Variants in ST6GALNAC3 observed in about 807,000 individuals in gnomAD.
The protein encoded by ST6GALNAC3 is alpha-N-acetylgalactosaminide alpha-2,6-sialyltransferase 3.
A neutral mutation model predicts 32.7 loss-of-function variants in ST6GALNAC3; 25 were observed. That is an observed-to-expected ratio of 0.76 (90% CI 0.56 to 1.07). The LOEUF (loss-of-function observed/expected upper bound fraction) is 1.07, where lower values mean the gene tolerates loss of function less well. Ranked by LOEUF, ST6GALNAC3 falls within the 50% of genes least tolerant of loss-of-function variation. The pLI, the probability that ST6GALNAC3 is intolerant of heterozygous loss-of-function variation, is 0.00. For synonymous variants in ST6GALNAC3, 129 were observed against 133.1 expected, an observed-to-expected ratio of 0.97 and a Z score of 0.21; for missense variants, 355 against 382.4, an observed-to-expected ratio of 0.93 and a Z score of 0.60.
chr1:76,175,048 T>C (rs1353498350), intron 1 of ST6GALNAC3, among the ~76,000 whole-genome samples: 10 of 152,242 alleles, frequency 6.6e-5, no homozygotes. Context: ...TTACTTAATC[T>C]GTTCTTCCTG....
chr1:76,546,465 G>C (rs547274588), intron 3 of ST6GALNAC3, among the ~76,000 whole-genome samples: 11 of 152,266 alleles, frequency 7.2e-5, no homozygotes, highest in African/African-American at 2.6e-4. Flanking sequence ...GGAAGAAGCT[G>C]CTCCTTTTTA....
intron 1 of ST6GALNAC3, among the ~76,000 whole-genome samples, chr1:76,264,699 C>T (rs1430999453): frequency 6.6e-6 from 1 of 152,104 alleles, no homozygotes; most frequent in Non-Finnish European, 1.5e-5. Context: ...TTAGTTATCA[C>T]ATTAGAATAA....
intron 2 of ST6GALNAC3, among the ~76,000 whole-genome samples, chr1:76,320,067 A>G (rs1193400642): frequency 1.3e-5 from 2 of 152,234 alleles, no homozygotes; most frequent in Non-Finnish European, 2.9e-5. Flanking sequence ...TGAGTGCCAG[A>G]TGAGAAGGAC....
chr1:76,097,080 G>A (rs947153865), intron 1 of ST6GALNAC3, among the ~76,000 whole-genome samples: 4 of 152,038 alleles, frequency 2.6e-5, no homozygotes, highest in Non-Finnish European at 4.4e-5. Context: ...CACCACGCCC[G>A]GCTAATTTTT....
At chr1:76,200,205 A>G (rs1362696212) in intron 1 of ST6GALNAC3, among the ~76,000 whole-genome samples, 4 of 152,146 alleles carry the variant, frequency 2.6e-5, no homozygotes, top group Non-Finnish European at 4.4e-5. Context: ...TGCATCTGAG[A>G]CTTTGTAATT....
chr1:76,341,549 G>A (rs188167564), intron 2 of ST6GALNAC3, among the ~76,000 whole-genome samples: 2 of 151,706 alleles, frequency 1.3e-5, no homozygotes, highest in Admixed American at 6.6e-5. Flanking sequence ...CTCAGTAATA[G>A]GATTGCCAGC....
chr1:76,422,103 G>T (rs190411110), intron 3 of ST6GALNAC3, among the ~76,000 whole-genome samples: 1 of 151,708 alleles, frequency 6.6e-6, no homozygotes, highest in African/African-American at 2.4e-5. Context: ...ACTGGGATAT[G>T]AGTTCTCTAA....
Position 76,378,339 on chromosome 1 carries a change from CT to C in ST6GALNAC3, c.214-33662del, listed in dbSNP as rs372123120. The stretch of plus-strand genomic sequence containing the variant: ...TTTTGCAGAGAATGGATGATGTTTA[CT>C]TTTTTTATATGTAAATGATTCTAAA... On this transcript the variant is annotated intron_variant, in intron 2 of 4. Transcript: ENST00000328299. Among the ~76,000 whole-genome samples the C allele has an allele frequency of 3.0e-4, 45 of 152,102 alleles. 2 individuals carry two copies. Among genetic ancestry groups the C allele is most frequent in the African/African-American group, 1.1e-3 (44 of 41,512 alleles).
chr1:76,104,509 T>G (rs988850540), intron 1 of ST6GALNAC3, among the ~76,000 whole-genome samples: 1 of 152,146 alleles, frequency 6.6e-6, no homozygotes, highest in African/African-American at 2.4e-5. Flanking sequence ...ACACAAATCT[T>G]TATTTCCTTG....
chr1:76,491,435 C>T (rs751278379), intron 3 of ST6GALNAC3, among the ~76,000 whole-genome samples: 39 of 152,232 alleles, frequency 2.6e-4, no homozygotes, highest in Non-Finnish European at 4.7e-4. Context: ...TGACTTGTTT[C>T]CTACTTCTTC....
At chr1:76,212,978 TAA>T (rs1394445937) in intron 1 of ST6GALNAC3, among the ~76,000 whole-genome samples, 1 of 152,196 alleles carries the variant, frequency 6.6e-6, no homozygotes, top group East Asian at 1.9e-4. Context: ...GGTAAATGGT[TAA>T]ATTTACTGCA....
chr1:76,346,628 T>C lies in ST6GALNAC3; in HGVS notation c.213+32629T>C, dbSNP rs185629909. Reference sequence around the variant, plus strand: ...CAGCTACAGAGGCAGTGGGGTATGGTGTGTGGTGGTTAAGGACATACGTTT... The same window carrying C: ...CAGCTACAGAGGCAGTGGGGTATGGCGTGTGGTGGTTAAGGACATACGTTT... On this transcript the variant is annotated intron_variant, in intron 2 of 4. Transcript: ENST00000328299. Among the ~76,000 whole-genome samples, 469 of 152,198 alleles carry C rather than the reference T, an allele frequency of 3.1e-3. 3 individuals carry two copies. The highest frequency in any genetic ancestry group is 0.01 in the African/African-American group (432 of 41,534).
intron 1 of ST6GALNAC3, among the ~76,000 whole-genome samples, chr1:76,120,787 T>C (rs1393588238): frequency 6.6e-6 from 1 of 152,202 alleles, no homozygotes; most frequent in Non-Finnish European, 1.5e-5. Flanking sequence ...GGAACCCAGG[T>C]ACATTAGTCC....
intron 3 of ST6GALNAC3, among the ~76,000 whole-genome samples, chr1:76,624,823 C>T (rs1416040460): frequency 2.0e-5 from 3 of 151,828 alleles, no homozygotes; most frequent in African/African-American, 7.3e-5. Flanking sequence ...AAACTTTATA[C>T]CCAGCTTATA....
chr1:76,223,787 A>T, intron 1 of ST6GALNAC3, among the ~76,000 whole-genome samples: 1 of 149,844 alleles, frequency 6.7e-6, no homozygotes, highest in South Asian at 2.1e-4. Context: ...TGCCATGATG[A>T]TTTTTTTTTT....
At chr1:76,113,712 A>T (rs1418801523) in intron 1 of ST6GALNAC3, among the ~76,000 whole-genome samples, 1 of 152,150 alleles carries the variant, frequency 6.6e-6, no homozygotes, top group South Asian at 2.1e-4. Context: ...TCTGTGGCCA[A>T]TTGTACCTCT....
At chr1:76,419,989 A>G (rs1654919040) in intron 3 of ST6GALNAC3, among the ~76,000 whole-genome samples, 1 of 148,740 alleles carries the variant, frequency 6.7e-6, no homozygotes, top group South Asian at 2.1e-4. Flanking sequence ...GGAAAGTTTA[A>G]TAGGCAAGAA....
chr1:76,488,516 A>G (rs1571392192), intron 3 of ST6GALNAC3, among the ~76,000 whole-genome samples: 1 of 152,208 alleles, frequency 6.6e-6, no homozygotes, highest in East Asian at 1.9e-4. Context: ...GTAACTAACA[A>G]CATGAAAACC....
At chr1:76,251,251 A>G (rs1217623907) in intron 1 of ST6GALNAC3, among the ~76,000 whole-genome samples, 1 of 152,170 alleles carries the variant, frequency 6.6e-6, no homozygotes, top group Non-Finnish European at 1.5e-5. Flanking sequence ...TCCTTCGTGT[A>G]AACTTTCTCT....
Sources: gnomAD v4.1 joint callset for allele counts (sites outside exome capture counted in the v4.1 genomes callset) on GRCh38, gnomAD v4.1.1 for gene constraint, MANE v1.5 for transcripts, NCBI Gene and HGNC (gene_info 2026-07-23, HGNC 2026-07-21) for gene names.